ACOX3: variants seen among roughly 807,000 people sequenced by gnomAD.
The protein encoded by ACOX3 is peroxisomal acyl-coenzyme A oxidase 3.
ACOX3 carries 73 observed loss-of-function variants against 81.5 expected under a neutral mutation model. The ratio of observed to expected loss-of-function variants is 0.90; its 90% CI spans 0.74 to 1.09. The LOEUF (loss-of-function observed/expected upper bound fraction) is 1.09. Among genes scored for constraint, ACOX3 ranks in the 50% least tolerant of loss-of-function variants. ACOX3 has a pLI of 0.00. For missense variants in ACOX3, 947 were observed against 928.0 expected (o/e 1.02, Z -0.27); for synonymous variants, 387 against 375.1 (o/e 1.03, Z -0.37).
chr4:8,378,152 G>A (rs912794204), intron 14 of ACOX3, among the ~76,000 whole-genome samples: 17 of 152,332 alleles, frequency 1.1e-4, no homozygotes, highest in African/African-American at 4.1e-4. Flanking sequence ...GGTTGGTGAA[G>A]TACATTTTAA....
At chr4:8,420,654 T>C (rs1048157510) in intron 1 of ACOX3, among the ~76,000 whole-genome samples, 1 of 152,198 alleles carries the variant, frequency 6.6e-6, no homozygotes, top group Non-Finnish European at 1.5e-5. Flanking sequence ...CCCCGTTGAA[T>C]GGGAGCTCTG....
At chr4:8,428,650 G>A (rs554717188) in intron 1 of ACOX3, among the ~76,000 whole-genome samples, 68 of 152,356 alleles carry the variant, frequency 4.5e-4, no homozygotes, top group Non-Finnish European at 5.7e-4. Context: ...AGGCCTGGCT[G>A]ACCGACTCTG....
chr4:8,385,483 G>GC lies in ACOX3; in HGVS notation c.1537+3689dup, dbSNP rs1718196922. Among the ~76,000 whole-genome samples, 1 of 152,214 alleles carries GC rather than the reference G, an allele frequency of 6.6e-6. No homozygotes were observed. Among genetic ancestry groups the GC allele is most frequent in the African/African-American group, 2.4e-5 (1 of 41,446 alleles). ...CACACGTGTCCGAGTAGTGAACACTGCAACTGCTTACTATGAATGCATACG... is the reference window on the plus strand; with the variant it reads ...CACACGTGTCCGAGTAGTGAACACTGCCAACTGCTTACTATGAATGCATACG... On this transcript the variant is annotated intron_variant, in intron 13 of 17. Coordinates refer to ENST00000356406, the MANE Select transcript of ACOX3 (RefSeq NM_003501.3). The surrounding 1 kb of genome is among the most constrained non-coding windows in gnomAD (Gnocchi z 5.5).
rs2108879741 is a variant in ACOX3 at position 8,394,615 on chromosome 4, C to T, written c.1179+5G>A. 1 of 1,613,278 alleles carries T rather than the reference C, an allele frequency of 6.2e-7. No homozygotes were observed. Among genetic ancestry groups the T allele is most frequent in the Middle Eastern group, 1.7e-4 (1 of 6,054 alleles). On this transcript the variant is annotated splice_donor_5th_base_variant and intron_variant, in intron 10 of 17. Coordinates refer to ENST00000356406, the MANE Select transcript of ACOX3 (RefSeq NM_003501.3). This position sits in a 1 kb window ranked among gnomAD's most constrained non-coding sequence, Gnocchi z 5.9. ...ATGCTGCTGAGGAAGCAGACACCAC[C>T]TCACCTGTCTGGCGCTGCGGTCTCC... is the stretch of plus-strand genomic sequence containing the variant.
At chr4:8,422,654 C>G (rs1456649478) in intron 1 of ACOX3, among the ~76,000 whole-genome samples, 1 of 152,212 alleles carries the variant, frequency 6.6e-6, no homozygotes, top group East Asian at 1.9e-4. Flanking sequence ...AGGCATAGCT[C>G]CAGTTGTTAA....
intron 1 of ACOX3, among the ~76,000 whole-genome samples, chr4:8,427,610 C>T (rs1579000320): frequency 2.0e-5 from 3 of 152,322 alleles, no homozygotes; most frequent in East Asian, 3.9e-4. Context: ...AGTTCTCTTC[C>T]GTGACCCACA....
At chr4:8,367,118 A>G in intron 17 of ACOX3, 38 bp from the exon 18 acceptor site, 1 of 1,603,362 alleles carries the variant, frequency 6.2e-7, no homozygotes, top group Middle Eastern at 1.7e-4. Flanking sequence ...AAGACAAAGA[A>G]ATAAGAAGGA....
chr4:8,402,714 G>A (rs2108915354), intron 7 of ACOX3, among the ~76,000 whole-genome samples: 1 of 152,322 alleles, frequency 6.6e-6, no homozygotes, highest in East Asian at 1.9e-4. Flanking sequence ...CGGGAGACGT[G>A]TGCGTGTGTC....
At chr4:8,378,946 T>C (rs1332464169) in intron 14 of ACOX3, among the ~76,000 whole-genome samples, 2 of 152,176 alleles carry the variant, frequency 1.3e-5, no homozygotes, top group African/African-American at 4.8e-5. Context: ...CTGATGCCTG[T>C]GGAAGTGTGG....
At position 8,416,220 on chromosome 4, in the gene ACOX3, G is replaced by A. The variant is rs919607686; in HGVS notation, c.144+158C>T. On this transcript the variant is annotated intron_variant, in intron 2 of 17. Transcript: ENST00000356406. This position sits in a 1 kb window ranked among gnomAD's most constrained non-coding sequence, Gnocchi z 4.2. ...TTTCCAGACTCCTCATCAATTCCCT[G>A]AGGCCTGTCCTGGGGTGCAGAGAGG... is the stretch of plus-strand genomic sequence containing the variant. Among the ~76,000 whole-genome samples, 5 of 152,158 alleles carry A rather than the reference G, an allele frequency of 3.3e-5. No homozygotes were observed. Among genetic ancestry groups the A allele is most frequent in the African/African-American group, 1.2e-4 (5 of 41,436 alleles).
downstream of ACOX3, among the ~76,000 whole-genome samples, chr4:8,363,334 C>T (rs1324774659): frequency 1.3e-5 from 2 of 152,196 alleles, no homozygotes; most frequent in Non-Finnish European, 2.9e-5. Flanking sequence ...GACAAGCTTA[C>T]TGAATGTTTT....
chr4:8,365,328 T>C (rs1217715486), downstream of ACOX3, among the ~76,000 whole-genome samples: 3 of 152,084 alleles, frequency 2.0e-5, no homozygotes, highest in Admixed American at 6.5e-5. Context: ...GCAGGAAGAG[T>C]ATCATAGACA....
At position 8,381,619 on chromosome 4, in the gene ACOX3, C is replaced by G. The variant is rs2108824318; in HGVS notation, c.1538-12G>C. On this transcript the variant is annotated splice_polypyrimidine_tract_variant and intron_variant, in intron 13 of 17. Coordinates refer to ENST00000356406, the MANE Select transcript of ACOX3 (RefSeq NM_003501.3). This position sits in a 1 kb window ranked among gnomAD's most constrained non-coding sequence, Gnocchi z 4.3. ...TGCTGCCAGGGCGACTTCGGAATGA[C>G]AAACAGAAGGAGAAAAAGTAACAAT... The G allele has an allele frequency of 6.3e-7, 1 of 1,590,280 alleles. No homozygotes were observed. Among genetic ancestry groups the G allele is most frequent in the East Asian group, 2.2e-5 (1 of 44,734 alleles).
In ACOX3 at chr4:8,366,783, G is replaced by T; in HGVS notation, c.*178C>A. The T allele has an allele frequency of 1.4e-6, 1 of 728,212 alleles. No homozygotes were observed. Among genetic ancestry groups the T allele is most frequent in the Non-Finnish European group, 2.1e-6 (1 of 466,766 alleles). 45.1% of individuals were successfully genotyped at this position (728,212 alleles called of 1,614,324 possible). The stretch of plus-strand genomic sequence containing the variant: ...CCGCGATCCCAGATTAGTCCAGCCG[G>T]CCGGGTGCCTCCCTCCCGTCCGCCT... On this transcript the variant is annotated 3_prime_UTR_variant, in exon 18 of 18. Coordinates refer to ENST00000356406, the MANE Select transcript of ACOX3 (RefSeq NM_003501.3).
Position 8,401,059 on chromosome 4 carries a change from G to A in ACOX3, c.777-1407C>T, listed in dbSNP as rs189141864. ...TATTAGATTCTCATAAGGAGCGCTCGCCTTAGATCCCTCACATGCGCAGTT... is the reference window on the plus strand; with the variant it reads ...TATTAGATTCTCATAAGGAGCGCTCACCTTAGATCCCTCACATGCGCAGTT... On this transcript the variant is annotated intron_variant, in intron 7 of 17. Coordinates refer to ENST00000356406, the MANE Select transcript of ACOX3 (RefSeq NM_003501.3). Among the ~76,000 whole-genome samples, 519 of 151,810 alleles carry A rather than the reference G, an allele frequency of 3.4e-3. 1 individual carries two copies. Among genetic ancestry groups the A allele is most frequent in the African/African-American group, 0.012 (496 of 41,376 alleles).
chr4:8,406,081 T>TA lies in ACOX3; in HGVS notation c.688-39dup, dbSNP rs759757899. On this transcript the variant is annotated intron_variant, in intron 6 of 17. Coordinates refer to ENST00000356406, the MANE Select transcript of ACOX3 (RefSeq NM_003501.3). This position sits in a 1 kb window ranked among gnomAD's most constrained non-coding sequence, Gnocchi z 5.6. Reference sequence around the variant, plus strand: ...ACAGAAAGCAGCAAACAGCAACTGTTACAATCACACAAAAATCAAAACAAA... The same window carrying TA: ...ACAGAAAGCAGCAAACAGCAACTGTTAACAATCACACAAAAATCAAAACAAA... The TA allele has an allele frequency of 1.4e-5, 23 of 1,588,996 alleles. No individual in the cohort carries two copies. In the African/African-American group the frequency reaches 3.0e-4, roughly 20 times the overall value.
the ACOX3 span, chr4:8,357,462 T>C: frequency 1.2e-5 from 4 of 345,874 alleles, no homozygotes; most frequent in Non-Finnish European, 2.3e-5. Context: ...GAGTTATAAG[T>C]GATATCTATT....
At chr4:8,356,993 G>A in the ACOX3 span, 1 of 454,610 alleles carries the variant, frequency 2.2e-6, no homozygotes, top group Non-Finnish European at 4.4e-6. Flanking sequence ...TGGCAGATGA[G>A]GGGAAGGAAG....
Position 8,400,554 on chromosome 4 carries a change from G to C in ACOX3, c.777-902C>G, listed in dbSNP as rs1366939056. Among the ~76,000 whole-genome samples, 4 of 152,116 alleles carry C rather than the reference G, an allele frequency of 2.6e-5. No individual in the cohort carries two copies. Among genetic ancestry groups the C allele is most frequent in the African/African-American group, 4.8e-5 (2 of 41,422 alleles). On this transcript the variant is annotated intron_variant, in intron 7 of 17. Coordinates refer to ENST00000356406, the MANE Select transcript of ACOX3 (RefSeq NM_003501.3). This position sits in a 1 kb window ranked among gnomAD's most constrained non-coding sequence, Gnocchi z 4.4. ...CATAGGATTACACACACATTGTTAT[G>C]GATCATGATGTATTAATAACCAAAG... is the stretch of plus-strand genomic sequence containing the variant.
Sources: allele counts gnomAD v4.1 joint callset (sites outside exome capture counted in the v4.1 genomes callset), GRCh38; gene constraint gnomAD v4.1.1; non-coding constraint Gnocchi (gnomAD v3.1); transcripts MANE v1.5; gene names NCBI Gene and HGNC (gene_info 2026-07-23, HGNC 2026-07-21).